WWOX: variants seen among roughly 807,000 people sequenced by gnomAD.
The protein encoded by WWOX is WW domain-containing oxidoreductase.
WWOX carries 69 observed loss-of-function variants against 46.2 expected under a neutral mutation model. The observed-to-expected ratio is 1.49, with a 90% CI of 1.23 to 1.82. The LOEUF is 1.82. Among genes scored for constraint, WWOX ranks in the 40% most tolerant of loss-of-function variants. WWOX has a pLI of 0.00. For synonymous variants in WWOX, 359 were observed against 202.6 expected (o/e 1.77, Z -6.56); for missense variants, 919 against 542.6 (o/e 1.69, Z -6.89).
intron 8 of WWOX, among the ~76,000 whole-genome samples, chr16:78,463,104 T>A (rs916166733): frequency 2.0e-5 from 3 of 152,196 alleles, no homozygotes; most frequent in African/African-American, 7.2e-5. Context: ...CAGATCCGTA[T>A]CCCACTGCAA....
intron 8 of WWOX, among the ~76,000 whole-genome samples, chr16:78,810,484 C>A (rs76634681): frequency 0.018 from 2,788 of 152,268 alleles, 87 homozygotes; most frequent in African/African-American, 0.064. Context: ...ATTATGGGAA[C>A]CCCCTGTATC....
At chr16:78,957,647 A>G (rs1308575807) in intron 8 of WWOX, among the ~76,000 whole-genome samples, 1 of 152,124 alleles carries the variant, frequency 6.6e-6, no homozygotes, top group African/African-American at 2.4e-5. Context: ...AAAACTACAG[A>G]TTCTATCTCT....
intron 8 of WWOX, among the ~76,000 whole-genome samples, chr16:78,440,154 G>A (rs1254935884): frequency 2.0e-5 from 3 of 152,130 alleles, no homozygotes; most frequent in Non-Finnish European, 4.4e-5. Flanking sequence ...TGTTGAATAC[G>A]TATGTACATA....
At chr16:78,461,588 G>A (rs2083950380) in intron 8 of WWOX, among the ~76,000 whole-genome samples, 1 of 152,186 alleles carries the variant, frequency 6.6e-6, no homozygotes, top group Non-Finnish European at 1.5e-5. Flanking sequence ...AAGGCAGCCA[G>A]GAGCTGCTGT....
At chr16:78,814,584 C>G (rs925126116) in intron 8 of WWOX, among the ~76,000 whole-genome samples, 4 of 152,102 alleles carry the variant, frequency 2.6e-5, no homozygotes, top group Non-Finnish European at 5.9e-5. Context: ...ACTTTTCCAA[C>G]CTATCCAATT....
chr16:79,046,905 G>T (rs1305477545), intron 8 of WWOX, among the ~76,000 whole-genome samples: 1 of 151,886 alleles, frequency 6.6e-6, no homozygotes, highest in Non-Finnish European at 1.5e-5. Flanking sequence ...AATACGATTG[G>T]TTACTCAAAT....
At chr16:78,545,184 C>T (rs1188898989) in intron 8 of WWOX, among the ~76,000 whole-genome samples, 1 of 152,116 alleles carries the variant, frequency 6.6e-6, no homozygotes, top group Non-Finnish European at 1.5e-5. Context: ...CCACTGGTAC[C>T]ACTGTGGCCA....
intron 8 of WWOX, among the ~76,000 whole-genome samples, chr16:78,627,674 C>G (rs1222677161): frequency 1.3e-5 from 2 of 152,154 alleles, no homozygotes; most frequent in South Asian, 4.1e-4. Flanking sequence ...TTGACAGGGA[C>G]AAGAAATAAA....
chr16:78,962,630 C>T (rs2046292523), intron 8 of WWOX, among the ~76,000 whole-genome samples: 1 of 152,142 alleles, frequency 6.6e-6, no homozygotes, highest in Non-Finnish European at 1.5e-5. Context: ...ATGTGAGCTG[C>T]TTGCATCAGA....
At chr16:79,119,546 T>A (rs2049585517) in intron 8 of WWOX, among the ~76,000 whole-genome samples, 1 of 152,166 alleles carries the variant, frequency 6.6e-6, no homozygotes, top group Non-Finnish European at 1.5e-5. Context: ...GTTTTGCAGT[T>A]TTTTCAAAGT....
At chr16:78,415,298 A>T (rs2082772888) in intron 6 of WWOX, among the ~76,000 whole-genome samples, 1 of 151,902 alleles carries the variant, frequency 6.6e-6, no homozygotes, top group Non-Finnish European at 1.5e-5. Flanking sequence ...GTGCTAATGG[A>T]TTCATATTAG....
intron 8 of WWOX, among the ~76,000 whole-genome samples, chr16:78,803,599 C>T (rs1015539610): frequency 3.3e-5 from 5 of 152,054 alleles, no homozygotes; most frequent in East Asian, 1.9e-4. Flanking sequence ...AGGCATATAC[C>T]ACCATACCTG....
At chr16:78,539,052 G>A (rs554783692) in intron 8 of WWOX, among the ~76,000 whole-genome samples, 2 of 152,324 alleles carry the variant, frequency 1.3e-5, no homozygotes, top group African/African-American at 4.8e-5. Context: ...GCATCTCATG[G>A]CAGCAGTCAC....
In WWOX at chr16:78,523,467, G is replaced by A. The variant is rs546284910; in HGVS notation, c.1056+90715G>A. On this transcript the variant is annotated intron_variant, in intron 8 of 8. Transcript: ENST00000566780. ...ATCATAAATGTTTGGGGAGCTGAAG[G>A]TCACGGGCTTAGTAGCAATTCTAGT... Among the ~76,000 whole-genome samples the A allele has an allele frequency of 2.6e-3, 398 of 152,302 alleles. 3 individuals carry two copies. The highest frequency in any genetic ancestry group is 9.4e-3 in the African/African-American group (391 of 41,556).
At chr16:78,723,416 G>T (rs985551653) in intron 8 of WWOX, among the ~76,000 whole-genome samples, 13 of 148,612 alleles carry the variant, frequency 8.7e-5, no homozygotes, top group African/African-American at 3.3e-4. Context: ...CCCTGATGGT[G>T]CCAAGCTATT....
intron 8 of WWOX, among the ~76,000 whole-genome samples, chr16:79,095,300 C>T (rs144008295): frequency 7.8e-4 from 118 of 152,210 alleles, no homozygotes; most frequent in African/African-American, 2.8e-3. Context: ...TATAGCTGTT[C>T]CTTCAAGGAG....
chr16:78,913,319 A>G (rs1033861250), intron 8 of WWOX, among the ~76,000 whole-genome samples: 3 of 151,934 alleles, frequency 2.0e-5, no homozygotes, highest in African/African-American at 7.2e-5. Flanking sequence ...GTTAGACTGC[A>G]TTTTTGAGCC....
intron 5 of WWOX, among the ~76,000 whole-genome samples, chr16:78,381,950 C>T (rs775829392): frequency 5.9e-5 from 9 of 152,202 alleles, no homozygotes; most frequent in Non-Finnish European, 1.3e-4. Flanking sequence ...ACGGCAGCCT[C>T]GACTTTCCAG....
rs557225803 is a variant in WWOX, at chr16:78,132,783, A to T, written c.409+17629A>T. ...TGGGCTCTTCGATTCTCACGTGCTGATGGTGTAGCTGAGCTCTGCTAATGC... is the reference window on the plus strand; with the variant it reads ...TGGGCTCTTCGATTCTCACGTGCTGTTGGTGTAGCTGAGCTCTGCTAATGC... On this transcript the variant is annotated intron_variant, in intron 4 of 8. Coordinates refer to ENST00000566780, the MANE Select transcript of WWOX (RefSeq NM_016373.4). Among the ~76,000 whole-genome samples the T allele has an allele frequency of 1.5e-3, 233 of 152,234 alleles. 2 individuals are homozygous for T. Among genetic ancestry groups the T allele is most frequent in the African/African-American group, 5.2e-3 (216 of 41,514 alleles).
Sources: gnomAD v4.1 joint callset for allele counts (sites outside exome capture counted in the v4.1 genomes callset) on GRCh38, gnomAD v4.1.1 for gene constraint, MANE v1.5 for transcripts, NCBI Gene and HGNC (gene_info 2026-07-23, HGNC 2026-07-21) for gene names.